Variants in PPARG observed in about 807,000 individuals in gnomAD.
The protein encoded by PPARG is peroxisome proliferator-activated receptor gamma.
Under a neutral mutation model 39.2 loss-of-function variants are expected in PPARG, and 17 were observed. The observed-to-expected ratio is 0.43, with a 90% CI of 0.30 to 0.65. PPARG has a LOEUF of 0.65. Ranked by LOEUF, PPARG falls within the 30% of genes least tolerant of loss-of-function variation. The pLI, the probability that PPARG is intolerant of heterozygous loss-of-function variation, is 0.13. For missense variants in PPARG, 406 were observed against 585.9 expected (o/e 0.69, Z 3.17); for synonymous variants, 223 against 215.7 (o/e 1.03, Z -0.30).
chr3:12,376,150 T>C (rs1039837610), intron 2 of PPARG, among the ~76,000 whole-genome samples: 1 of 152,110 alleles, frequency 6.6e-6, no homozygotes, highest in Non-Finnish European at 1.5e-5. Flanking sequence ...GGTTTCTCCA[T>C]GTTGATCAGG....
chr3:12,308,520 T>A (rs1220442852), intron 1 of PPARG, among the ~76,000 whole-genome samples: 1 of 152,134 alleles, frequency 6.6e-6, no homozygotes, highest in African/African-American at 2.4e-5. Context: ...TCGTTATGCA[T>A]GCTATTATTA....
chr3:12,351,066 A>G (rs2048470948), intron 2 of PPARG, among the ~76,000 whole-genome samples: 1 of 152,210 alleles, frequency 6.6e-6, no homozygotes, highest in African/African-American at 2.4e-5. Flanking sequence ...ATTTTTCTTC[A>G]AATAATGTGA....
intron 6 of PPARG, 71 bp downstream of exon 6, chr3:12,406,152 A>G (rs771080270): frequency 5.0e-6 from 7 of 1,408,816 alleles, no homozygotes; most frequent in East Asian, 2.4e-5. Context: ...CTTTGAGTAA[A>G]TGGTTTACTG....
intron 7 of PPARG, among the ~76,000 whole-genome samples, chr3:12,432,900 A>G (rs1290527958): frequency 2.6e-5 from 4 of 152,186 alleles, no homozygotes; most frequent in Non-Finnish European, 5.9e-5. Flanking sequence ...ATTTGAGAAT[A>G]AATCTAACAA....
chr3:12,333,267 A>G (rs116053031), intron 2 of PPARG, among the ~76,000 whole-genome samples: 80 of 152,278 alleles, frequency 5.3e-4, no homozygotes, highest in African/African-American at 1.9e-3. Context: ...CTTTAATATT[A>G]TTTCTTATAT....
chr3:12,433,586 A>T (rs999643203), intron 7 of PPARG, among the ~76,000 whole-genome samples: 1 of 152,054 alleles, frequency 6.6e-6, no homozygotes. Flanking sequence ...CTGAGTAGAA[A>T]CACGTTAGCA....
chr3:12,336,541 A>G (rs2048019038), intron 2 of PPARG, among the ~76,000 whole-genome samples: 1 of 152,218 alleles, frequency 6.6e-6, no homozygotes, highest in Non-Finnish European at 1.5e-5. Context: ...GATTAGCTGA[A>G]CATCCCTGCT....
chr3:12,328,199 A>G, intron 2 of PPARG: 4 of 1,459,254 alleles, frequency 2.7e-6, no homozygotes, highest in African/African-American at 1.4e-5. Flanking sequence ...TAGAACAGAA[A>G]AAGTCCTACC....
At chr3:12,366,543 G>C (rs748634547) in intron 2 of PPARG, among the ~76,000 whole-genome samples, 1 of 152,076 alleles carries the variant, frequency 6.6e-6, no homozygotes, top group Non-Finnish European at 1.5e-5. Context: ...GAAAGCTTGA[G>C]TTTCTCACCA....
chr3:12,415,611 G>C, intron 6 of PPARG, among the ~76,000 whole-genome samples: 1 of 152,226 alleles, frequency 6.6e-6, no homozygotes, highest in East Asian at 1.9e-4. Context: ...TTGCAAACTT[G>C]AATAATTGGG....
chr3:12,380,169 T>G (rs1191800657), intron 3 of PPARG, among the ~76,000 whole-genome samples: 1 of 152,026 alleles, frequency 6.6e-6, no homozygotes, highest in Non-Finnish European at 1.5e-5. Flanking sequence ...CTTCTTTCCT[T>G]TCTTGCTTAC....
intron 2 of PPARG, among the ~76,000 whole-genome samples, chr3:12,315,491 GC>G (rs992815242): frequency 6.6e-6 from 1 of 152,154 alleles, no homozygotes; most frequent in Non-Finnish European, 1.5e-5. Context: ...CTTTCTGTAA[GC>G]CTCAGATTAT....
intron 7 of PPARG, among the ~76,000 whole-genome samples, chr3:12,423,780 C>A (rs1260518907): frequency 6.6e-6 from 1 of 152,252 alleles, no homozygotes; most frequent in African/African-American, 2.4e-5. Flanking sequence ...ACAAGACAGG[C>A]TGGTGCCTAC....
chr3:12,398,303 A>C (rs2050340497), intron 5 of PPARG, among the ~76,000 whole-genome samples: 1 of 152,234 alleles, frequency 6.6e-6, no homozygotes, highest in African/African-American at 2.4e-5. Context: ...GAAATATCAG[A>C]GCAGTGACCA....
intron 2 of PPARG, among the ~76,000 whole-genome samples, chr3:12,360,401 T>C (rs2048805543): frequency 6.6e-6 from 1 of 152,116 alleles, no homozygotes. Flanking sequence ...CTGGAAGAGT[T>C]TTTGTTGGCT....
intron 2 of PPARG, among the ~76,000 whole-genome samples, chr3:12,365,786 A>G (rs897100154): frequency 1.3e-5 from 2 of 152,074 alleles, no homozygotes; most frequent in African/African-American, 4.8e-5. Context: ...CCAGTACCGT[A>G]CTATCTTAAT....
intron 6 of PPARG, among the ~76,000 whole-genome samples, chr3:12,412,750 C>T (rs1340400107): frequency 6.6e-6 from 1 of 152,170 alleles, no homozygotes; most frequent in African/African-American, 2.4e-5. Context: ...CAATTTTATT[C>T]TCATAATTTG....
chr3:12,404,335 A>G (rs956696922), intron 5 of PPARG, among the ~76,000 whole-genome samples: 3 of 152,188 alleles, frequency 2.0e-5, no homozygotes, highest in Non-Finnish European at 4.4e-5. Flanking sequence ...AGTCAGCGAT[A>G]AAATTTATTT....
intron 2 of PPARG, among the ~76,000 whole-genome samples, chr3:12,365,499 T>C (rs1473391175): frequency 6.6e-6 from 1 of 152,138 alleles, no homozygotes; most frequent in African/African-American, 2.4e-5. Flanking sequence ...CAGGGAGTTT[T>C]ATAGTTTTGT....
Sources: allele counts gnomAD v4.1 joint callset (sites outside exome capture counted in the v4.1 genomes callset), GRCh38; gene constraint gnomAD v4.1.1; transcripts MANE v1.5; gene names NCBI Gene and HGNC (gene_info 2026-07-23, HGNC 2026-07-21).